The following SND1 variants were observed in gnomAD, a reference collection of about 807,000 sequenced individuals.
SND1 encodes the protein staphylococcal nuclease domain-containing protein 1.
Under a neutral mutation model 121.7 loss-of-function variants are expected in SND1, and 38 were observed. The observed-to-expected ratio is 0.31, with a 90% CI of 0.24 to 0.41. The LOEUF (loss-of-function observed/expected upper bound fraction) is 0.41. SND1 is among the 10% of genes least tolerant of loss of function. The pLI is 1.00. For synonymous variants in SND1, 401 were observed against 447.4 expected, an observed-to-expected ratio of 0.90 and a Z score of 1.31; for missense variants, 868 against 1,184.6, an observed-to-expected ratio of 0.73 and a Z score of 3.92.
chr7:127,865,203 G>A (rs1031875262), intron 12 of SND1, among the ~76,000 whole-genome samples: 2 of 152,212 alleles, frequency 1.3e-5, no homozygotes, highest in African/African-American at 4.8e-5. Context: ...TACACATATG[G>A]TGGGTTCCTT....
intron 15 of SND1, among the ~76,000 whole-genome samples, chr7:127,989,305 T>G (rs1467871057): frequency 6.6e-6 from 1 of 152,230 alleles, no homozygotes; most frequent in East Asian, 1.9e-4. Context: ...GTGGCAGTCT[T>G]TCTCCTGGCC....
intron 16 of SND1, among the ~76,000 whole-genome samples, chr7:128,049,927 G>A (rs1246694876): frequency 1.3e-5 from 2 of 152,176 alleles, no homozygotes; most frequent in African/African-American, 4.8e-5. Context: ...TGGAATTGGG[G>A]AGGCTGGGGT....
chr7:127,817,425 G>T (rs1008327257), intron 11 of SND1, among the ~76,000 whole-genome samples: 2 of 152,006 alleles, frequency 1.3e-5, no homozygotes, highest in African/African-American at 4.8e-5. Flanking sequence ...TGTTTCTTCT[G>T]TCTATGCCAT....
intron 16 of SND1, among the ~76,000 whole-genome samples, chr7:128,001,301 G>A (rs1439604475): frequency 6.6e-6 from 1 of 152,192 alleles, no homozygotes; most frequent in African/African-American, 2.4e-5. Context: ...ACATTTAAGG[G>A]CATCTTTTCC....
intron 12 of SND1, among the ~76,000 whole-genome samples, chr7:127,882,587 T>G (rs558722264): frequency 6.6e-6 from 1 of 152,060 alleles, no homozygotes; most frequent in Non-Finnish European, 1.5e-5. Flanking sequence ...GTCTTCCTCC[T>G]CTCAATTATC....
chr7:127,863,603 CT>C (rs1234341604), intron 12 of SND1, among the ~76,000 whole-genome samples: 10 of 152,164 alleles, frequency 6.6e-5, no homozygotes, highest in African/African-American at 2.4e-4. Flanking sequence ...CAATAGCTAA[CT>C]TTTTTTTACA....
intron 9 of SND1, among the ~76,000 whole-genome samples, chr7:127,708,066 T>A (rs1035222406): frequency 6.6e-6 from 1 of 152,198 alleles, no homozygotes; most frequent in African/African-American, 2.4e-5. Context: ...GGAGTATCCA[T>A]ACAGCCATTC....
At chr7:127,847,335 T>C (rs548841824) in intron 12 of SND1, among the ~76,000 whole-genome samples, 1 of 152,284 alleles carries the variant, frequency 6.6e-6, no homozygotes, top group African/African-American at 2.4e-5. Flanking sequence ...TATTGATAAT[T>C]AAGAATCTCC....
chr7:127,924,670 G>A (rs1279958606), intron 14 of SND1, among the ~76,000 whole-genome samples: 2 of 152,098 alleles, frequency 1.3e-5, no homozygotes, highest in Non-Finnish European at 2.9e-5. Flanking sequence ...TCTATCCTGT[G>A]CCTGCTGTAC....
At chr7:127,868,723 A>T (rs1476462988) in intron 12 of SND1, among the ~76,000 whole-genome samples, 1 of 152,216 alleles carries the variant, frequency 6.6e-6, no homozygotes, top group Non-Finnish European at 1.5e-5. Context: ...CAGACTTGGA[A>T]TTTAAAATCT....
intron 15 of SND1, among the ~76,000 whole-genome samples, chr7:127,937,130 G>C (rs1165373209): frequency 1.3e-5 from 2 of 152,170 alleles, no homozygotes; most frequent in Admixed American, 6.5e-5. Flanking sequence ...GGAGTCTTCT[G>C]TCAACTCACT....
chr7:127,881,655 TTC>T (rs1486532705), intron 12 of SND1, among the ~76,000 whole-genome samples: 1 of 152,184 alleles, frequency 6.6e-6, no homozygotes, highest in Non-Finnish European at 1.5e-5. Flanking sequence ...CACAGTCTGG[TTC>T]TCTCATTGAA....
chr7:127,951,275 C>T (rs1020185534), intron 15 of SND1, among the ~76,000 whole-genome samples: 13 of 152,154 alleles, frequency 8.5e-5, no homozygotes, highest in Admixed American at 7.2e-4. Context: ...TTTACGACAA[C>T]ATGGATGAAT....
chr7:128,090,789 C>T (rs1793766660), intron 22 of SND1, among the ~76,000 whole-genome samples: 1 of 152,052 alleles, frequency 6.6e-6, no homozygotes, highest in Admixed American at 6.5e-5. Flanking sequence ...TGTGGACTGC[C>T]GCTGTGTCTC....
chr7:128,057,184 C>T (rs942932848), intron 16 of SND1, among the ~76,000 whole-genome samples: 4 of 152,116 alleles, frequency 2.6e-5, no homozygotes, highest in Admixed American at 1.3e-4. Context: ...AAAGGAAAAC[C>T]GCAGATAAGG....
intron 12 of SND1, among the ~76,000 whole-genome samples, chr7:127,867,446 C>A (rs1392494007): frequency 6.6e-6 from 1 of 152,172 alleles, no homozygotes; most frequent in African/African-American, 2.4e-5. Flanking sequence ...GATGGTGATG[C>A]TGCTGACTTC....
chr7:127,768,462 G>A (rs570320737), intron 10 of SND1, among the ~76,000 whole-genome samples: 68 of 152,256 alleles, frequency 4.5e-4, no homozygotes, highest in African/African-American at 2.6e-4. Context: ...CAGTATAGCC[G>A]TCTGAATCAC....
chr7:127,658,175 C>G (rs1378219669), intron 1 of SND1, among the ~76,000 whole-genome samples: 4 of 152,062 alleles, frequency 2.6e-5, no homozygotes, highest in Non-Finnish European at 2.9e-5. Context: ...ATTAGCCAGG[C>G]ATGGTGGCGC....
At chr7:128,049,006 G>T (rs1451423329) in intron 16 of SND1, among the ~76,000 whole-genome samples, 1 of 152,082 alleles carries the variant, frequency 6.6e-6, no homozygotes, top group Non-Finnish European at 1.5e-5. Flanking sequence ...GAGCCTTTTG[G>T]AGCTCCTTCT....
Sources: allele counts gnomAD v4.1 joint callset (sites outside exome capture counted in the v4.1 genomes callset), GRCh38; gene constraint gnomAD v4.1.1; transcripts MANE v1.5; gene names NCBI Gene and HGNC (gene_info 2026-07-23, HGNC 2026-07-21).